Variants in POLR1C observed in about 807,000 individuals in gnomAD.
The protein encoded by POLR1C is RNA polymerase I and III subunit C.
In POLR1C, 42 loss-of-function variants were observed where a neutral mutation model predicts 38.3. The observed-to-expected ratio is 1.10, with a 90% CI of 0.86 to 1.42. The LOEUF is 1.42. POLR1C is among the 40% of genes most tolerant of loss of function. The pLI is 0.00. For synonymous variants in POLR1C, 163 were observed against 163.9 expected, an observed-to-expected ratio of 0.99 and a Z score of 0.04; for missense variants, 507 against 450.5, an observed-to-expected ratio of 1.13 and a Z score of -1.14.
intron 9 of POLR1C, chr6:43,538,770 T>TC: frequency 1.5e-6 from 1 of 651,612 alleles, no homozygotes; most frequent in Non-Finnish European, 2.5e-6. Context: ...ACTACATTTT[T>TC]CTTTTTTTTT....
exon 9 of POLR1C, chr6:43,529,580 AAG>A (rs1203683573): frequency 5.0e-5 from 9 of 181,000 alleles, no homozygotes; most frequent in Admixed American, 1.1e-4. Flanking sequence ...AAAAGAAAGA[AAG>A]AGATTCAACT....
Position 43,560,218 on chromosome 6 carries a change from A to G in POLR1C, c.*49-1182A>G, listed in dbSNP as rs748237210. The G allele has an allele frequency of 6.2e-5, 100 of 1,612,358 alleles. No homozygotes were observed. The highest frequency in any genetic ancestry group is 8.5e-5 in the Non-Finnish European group (100 of 1,179,180). On this transcript the variant is annotated intron_variant, in intron 10 of 10. Transcript: ENST00000607635. ...CATGGAAGCACGAAGATATTTTGGT[A>G]TTATTGCTAATAGCAAAGGATCACG...
chr6:43,548,779 T>C (rs77848896), intron 9 of POLR1C, among the ~76,000 whole-genome samples: 2 of 151,336 alleles, frequency 1.3e-5, no homozygotes, highest in African/African-American at 4.8e-5. Context: ...TGCTGTGCAT[T>C]CAGAGAAGAA....
exon 11 of POLR1C, chr6:43,561,968 G>C (rs571771343): frequency 3.7e-6 from 1 of 271,946 alleles, no homozygotes; most frequent in African/African-American, 2.2e-5. Context: ...TTGAGGTTCT[G>C]TAAGTACCAA....
chr6:43,556,145 A>G, intron 10 of POLR1C: 1 of 747,532 alleles, frequency 1.3e-6, no homozygotes, highest in Non-Finnish European at 2.0e-6. Context: ...AAGTTTTTGA[A>G]AATAAATGAT....
downstream of POLR1C, chr6:43,525,016 C>T: frequency 2.5e-6 from 4 of 1,600,126 alleles, no homozygotes; most frequent in Non-Finnish European, 3.4e-6. Flanking sequence ...TCTCTCAAGG[C>T]CTCAGCACCC....
chr6:43,529,072 G>C, intron 8 of POLR1C: 5 of 1,106,638 alleles, frequency 4.5e-6, no homozygotes, highest in Non-Finnish European at 6.5e-6. Context: ...AAATCTTAAA[G>C]TTCTTTTCCT....
At chr6:43,561,779 C>T (rs1214823893) in exon 11 of POLR1C, 1 of 153,906 alleles carries the variant, frequency 6.5e-6, no homozygotes, top group African/African-American at 2.4e-5. Context: ...AATGTCCTAT[C>T]TTCCAACTTA....
In POLR1C at chr6:43,518,624, A is replaced by T. The variant is rs74833889; in HGVS notation, c.142-709A>T. On this transcript the variant is annotated intron_variant, in intron 2 of 8. Coordinates refer to ENST00000642195, the MANE Select transcript of POLR1C (RefSeq NM_203290.4). ...TAGAGATGGGTGGAAGTCGATCATC[A>T]GAGAAGGAAGAAGAGTGGAGCTCAG... Among the ~76,000 whole-genome samples the T allele has an allele frequency of 7.9e-5, 12 of 152,348 alleles. No homozygotes were observed. In the East Asian group the frequency reaches 2.3e-3, roughly 29 times the overall value.
intron 8 of POLR1C, chr6:43,528,067 C>A (rs1793713020): frequency 7.6e-7 from 1 of 1,312,566 alleles, no homozygotes. Flanking sequence ...CTCTTCTACC[C>A]TGGGACAGCA....
intron 8 of POLR1C, chr6:43,529,058 G>A (rs921367110): frequency 6.3e-6 from 7 of 1,115,854 alleles, no homozygotes; most frequent in Non-Finnish European, 9.0e-6. Flanking sequence ...TGTTAACAGT[G>A]AAAAAATCTT....
In POLR1C at chr6:43,521,217, G is replaced by A. The variant is rs1793167262; in HGVS notation, c.958G>A (p.Val320Met). 7 of 1,613,970 alleles carry A rather than the reference G, an allele frequency of 4.3e-6. No individual in the cohort carries two copies. Among genetic ancestry groups the A allele is most frequent in the Non-Finnish European group, 5.9e-6 (7 of 1,179,986 alleles). ...GTCAACGGGGGTGTTGCCACCAGATGTGCTGGTGAGTGAAGCCATCAAAGT... is the reference window on the plus strand; with the variant it reads ...GTCAACGGGGGTGTTGCCACCAGATATGCTGGTGAGTGAAGCCATCAAAGT... ...VESTGVLPPD[V>M]LVSEAIKVLM... Residue 320 changes from valine (V) to methionine (M), a missense_variant, in exon 9 of 9, where the codon GTG becomes ATG. Physicochemically the swap from Val to Met is conservative, Grantham distance 21 (BLOSUM62 1). Transcript: ENST00000642195.
At position 43,520,317 on chromosome 6, in the gene POLR1C, C is replaced by T; in HGVS notation, c.545C>T (p.Ala182Val). The change falls in exon 6 of 9, where the codon GCT becomes GTT. Residue 182 changes from alanine (A) to valine (V), a missense_variant. Ala to Val is a moderately conservative substitution (Grantham distance 64). Transcript: ENST00000642195. The stretch of plus-strand genomic sequence containing the variant: ...ACATGGATCCCCCTGGGGAACCAGG[C>T]TGATCTCTTTCCAGAGGGCACTATC... ...HMTWIPLGNQ[A>V]DLFPEGTIRP... 6.2e-7 allele frequency: 1 copy of T among 1,613,204 alleles called. No individual in the cohort carries two copies. The highest frequency in any genetic ancestry group is 8.5e-7 in the Non-Finnish European group (1 of 1,180,012).
downstream of POLR1C, among the ~76,000 whole-genome samples, chr6:43,530,349 G>C (rs574727484): frequency 1.6e-3 from 242 of 151,490 alleles, no homozygotes; most frequent in African/African-American, 5.5e-3. Context: ...GCTTGAACCT[G>C]AGAGGCAGAA....
intron 9 of POLR1C, chr6:43,544,125 G>T (rs1156233221): frequency 6.5e-6 from 1 of 152,878 alleles, no homozygotes; most frequent in Admixed American, 6.5e-5. Context: ...TCTTAGAAAA[G>T]TATCAAAATG....
chr6:43,550,073 G>A, intron 9 of POLR1C: 1 of 831,784 alleles, frequency 1.2e-6, no homozygotes, highest in Non-Finnish European at 2.0e-6. Flanking sequence ...TGGGACTACG[G>A]GCATGAGCTT....
chr6:43,524,153 A>G, downstream of POLR1C: 2 of 1,188,842 alleles, frequency 1.7e-6, no homozygotes, highest in Non-Finnish European at 2.3e-6. Context: ...GGAGTTCAAG[A>G]CCAGCCTGAC....
downstream of POLR1C, chr6:43,530,863 C>T: frequency 1.3e-6 from 2 of 1,590,396 alleles, no homozygotes; most frequent in Non-Finnish European, 1.7e-6. Flanking sequence ...AATGACAAAT[C>T]CAACATCTGT....
chr6:43,557,318 C>T (rs540479663), intron 10 of POLR1C, among the ~76,000 whole-genome samples: 2 of 148,486 alleles, frequency 1.3e-5, no homozygotes, highest in South Asian at 4.3e-4. Context: ...CCCAGCTATT[C>T]AGGAGGCTGA....
Sources: gnomAD v4.1 joint callset for allele counts (sites outside exome capture counted in the v4.1 genomes callset) on GRCh38, gnomAD v4.1.1 for gene constraint, MANE v1.5 for transcripts, NCBI Gene and HGNC (gene_info 2026-07-23, HGNC 2026-07-21) for gene names.